TARBP2: variants seen among roughly 807,000 people sequenced by gnomAD.
TARBP2 encodes the protein RISC-loading complex subunit TARBP2.
A neutral mutation model predicts 40.4 loss-of-function variants in TARBP2; 23 were observed. The ratio of observed to expected loss-of-function variants is 0.57; its 90% CI spans 0.41 to 0.81. The LOEUF is 0.81. TARBP2 is among the 30% of genes least tolerant of loss of function. TARBP2 has a pLI of 0.00. For missense variants in TARBP2, 358 were observed against 473.7 expected, an observed-to-expected ratio of 0.76 and a Z score of 2.27; for synonymous variants, 183 against 190.5, an observed-to-expected ratio of 0.96 and a Z score of 0.32.
chr12:53,502,395 AC>A, intron 2 of TARBP2: 1 of 609,398 alleles, frequency 1.6e-6, no homozygotes, highest in South Asian at 2.0e-5. Flanking sequence ...CAGGACTCCC[AC>A]AGTGATCTGG....
intron 2 of TARBP2, chr12:53,502,632 A>T (rs926962823): frequency 1.0e-5 from 2 of 198,124 alleles, no homozygotes; most frequent in Non-Finnish European, 2.0e-5. Context: ...TGAGTGTTTG[A>T]GATAGTAAAT....
rs373326462 is a variant in TARBP2, at chr12:53,504,535, C to T, written c.495+66C>T. The T allele has an allele frequency of 1.9e-4, 300 of 1,603,026 alleles. 1 individual carries two copies. The African/African-American group carries it at 3.1e-3, about 16-fold the overall frequency. ...TTGAGCCAGGGGCCATGAGGGAAGG[C>T]TATGTGTGTTTGGGGGTGGGGGCGG... On this transcript the variant is annotated intron_variant, in intron 5 of 8. Coordinates refer to ENST00000266987, the MANE Select transcript of TARBP2 (RefSeq NM_134323.2).
chr12:53,501,390 C>G lies in TARBP2; in HGVS notation c.-19C>G, dbSNP rs747332122. On this transcript the variant is annotated 5_prime_UTR_variant, in exon 1 of 9. Coordinates refer to ENST00000266987, the MANE Select transcript of TARBP2 (RefSeq NM_134323.2). The stretch of plus-strand genomic sequence containing the variant: ...TGGAGGCTGCAGTCACGGTGGCGCC[C>G]GCGGGGACGGAGGAGGGAATGAGTG... 1 of 1,558,056 alleles carries G rather than the reference C, an allele frequency of 6.4e-7. No individual in the cohort carries two copies. Among genetic ancestry groups the G allele is most frequent in the South Asian group, 1.2e-5 (1 of 84,552 alleles).
intron 4 of TARBP2, 68 bp downstream of exon 4, chr12:53,503,876 T>A: frequency 8.2e-7 from 1 of 1,212,584 alleles, no homozygotes; most frequent in Non-Finnish European, 1.2e-6. Flanking sequence ...CCCTCAGTCC[T>A]TGGACCCAAG....
rs1327555179 is a variant in TARBP2, at chr12:53,505,644, G to C, written c.742-5G>C. 1 of 1,613,810 alleles carries C rather than the reference G, an allele frequency of 6.2e-7. No homozygotes were observed. The highest frequency in any genetic ancestry group is 8.5e-7 in the Non-Finnish European group (1 of 1,179,856). ...TCATCTTTCTCACTGTTCCCATCTTGACAGGGTGTGGGCTCCCGCCTGGAT... is the reference window on the plus strand; with the variant it reads ...TCATCTTTCTCACTGTTCCCATCTTCACAGGGTGTGGGCTCCCGCCTGGAT... On this transcript the variant is annotated splice_region_variant and splice_polypyrimidine_tract_variant and intron_variant, in intron 7 of 8. Coordinates refer to ENST00000266987, the MANE Select transcript of TARBP2 (RefSeq NM_134323.2). This position sits in a 1 kb window ranked among gnomAD's most constrained non-coding sequence, Gnocchi z 4.5.
At chr12:53,504,550 G>A in intron 5 of TARBP2, 81 bp downstream of exon 5, 3 of 1,601,850 alleles carry the variant, frequency 1.9e-6, no homozygotes, top group Admixed American at 3.4e-5. Context: ...TGTGTTTGGG[G>A]GTGGGGGCGG....
At chr12:53,504,366 C>T (rs754924951) in intron 4 of TARBP2, 31 bp from the exon 5 acceptor site, 6 of 1,531,970 alleles carry the variant, frequency 3.9e-6, no homozygotes, top group Non-Finnish European at 5.2e-6. Flanking sequence ...AACCCTTCAC[C>T]TCAACTTTGG....
chr12:53,503,919 A>G (rs1943839343), intron 4 of TARBP2, 111 bp downstream of exon 4: 1 of 800,530 alleles, frequency 1.2e-6, no homozygotes, highest in South Asian at 1.4e-5. Flanking sequence ...GAGAATAAAC[A>G]GAATGGAATA....
chr12:53,503,626 T>G, intron 3 of TARBP2, 87 bp from the exon 4 acceptor site: 1 of 923,858 alleles, frequency 1.1e-6, no homozygotes, highest in Non-Finnish European at 1.8e-6. Flanking sequence ...TCTTAGGGGA[T>G]TGGGAGGTCA....
Position 53,505,992 on chromosome 12 carries a change from G to T in TARBP2, c.945G>T (p.Glu315Asp). ...TCCCTCCTCTCTCTTGCTCTCCAGA[G>T]GAGCTGAGCCTGAGTGGACTCTGCC... Reference protein sequence around the residue: ...QAFHVSYLDIEELSLSGLCQC... With the variant: ...QAFHVSYLDIDELSLSGLCQC... Residue 315 changes from glutamate to aspartate, a missense_variant and splice_region_variant, in exon 9 of 9, where the codon GAG becomes GAT. Transcript: ENST00000266987. The surrounding 1 kb of genome is among the most constrained non-coding windows in gnomAD (Gnocchi z 4.5). The T allele has an allele frequency of 6.2e-7, 1 of 1,613,780 alleles. No individual in the cohort carries two copies. The highest frequency in any genetic ancestry group is 8.5e-7 in the Non-Finnish European group (1 of 1,179,784).
At position 53,505,610 on chromosome 12, in the gene TARBP2, T is replaced by C; in HGVS notation, c.742-39T>C. The C allele has an allele frequency of 6.3e-7, 1 of 1,583,460 alleles. No homozygotes were observed. Among genetic ancestry groups the C allele is most frequent in the East Asian group, 2.2e-5 (1 of 44,626 alleles). ...ATGTCTCAATGCCTGGGTCCCACAGTCTCTCGCTTCATCTTTCTCACTGTT... is the reference window on the plus strand; with the variant it reads ...ATGTCTCAATGCCTGGGTCCCACAGCCTCTCGCTTCATCTTTCTCACTGTT... On this transcript the variant is annotated intron_variant, in intron 7 of 8. Transcript: ENST00000266987. The surrounding 1 kb of genome is among the most constrained non-coding windows in gnomAD (Gnocchi z 4.5).
intron 2 of TARBP2, 60 bp downstream of exon 2, chr12:53,502,244 T>C (rs1943746205): frequency 2.5e-6 from 4 of 1,585,652 alleles, no homozygotes; most frequent in Non-Finnish European, 3.4e-6. Context: ...ATGGCTTTGT[T>C]TCTTGGAGTC....
At position 53,506,090 on chromosome 12, in the gene TARBP2, G is replaced by T; in HGVS notation, c.1043G>T (p.Arg348Leu). The T allele has an allele frequency of 6.2e-7, 1 of 1,613,944 alleles. No individual in the cohort carries two copies. Among genetic ancestry groups the T allele is most frequent in the Non-Finnish European group, 8.5e-7 (1 of 1,179,998 alleles). ...HGSATTREAARGEAARRALQY... is the reference protein window; with the variant it reads ...HGSATTREAALGEAARRALQY... ...TCTGCAACCACCAGGGAGGCAGCCC[G>T]TGGTGAGGCTGCCCGCCGTGCCCTG... Residue 348 changes from arginine to leucine, a missense_variant, in exon 9 of 9, where the codon CGT becomes CTT. By Grantham distance (102) the Arg-to-Leu change is moderately radical. Around this residue, in one of 3 missense-constraint regions of TARBP2, gnomAD observed 317 missense variants for 422.9 expected, o/e 0.75. Coordinates refer to ENST00000266987, the MANE Select transcript of TARBP2 (RefSeq NM_134323.2).
chr12:53,505,545 G>A lies in TARBP2; in HGVS notation c.742-104G>A. The A allele has an allele frequency of 7.8e-7, 1 of 1,276,712 alleles. No individual in the cohort carries two copies. Among genetic ancestry groups the A allele is most frequent in the South Asian group, 1.3e-5 (1 of 75,610 alleles). The allele number at this position is 1,276,712 out of a possible 1,614,324, so 79.1% of individuals were successfully genotyped here. A position where few individuals can be genotyped will look rare whatever the true frequency, so the allele number is the denominator to read the frequency against. ...GGATTGACTGGGGGGAGGCAAGCTG[G>A]AGGAAGCATTCTTTGTGCTTTGTTC... On this transcript the variant is annotated intron_variant, in intron 7 of 8. Coordinates refer to ENST00000266987, the MANE Select transcript of TARBP2 (RefSeq NM_134323.2). The surrounding 1 kb of genome is among the most constrained non-coding windows in gnomAD (Gnocchi z 4.5).
Position 53,504,381 on chromosome 12 carries a change from G to C in TARBP2, c.423-16G>C. Reference sequence around the variant, plus strand: ...AACCCTTCACCTCAACTTTGGCCCTGTGCCTTTTCCTTCAGGAGCCCCCCC... The same window carrying C: ...AACCCTTCACCTCAACTTTGGCCCTCTGCCTTTTCCTTCAGGAGCCCCCCC... On this transcript the variant is annotated splice_polypyrimidine_tract_variant and intron_variant, in intron 4 of 8. Transcript: ENST00000266987. 6.5e-7 allele frequency: 1 copy of C among 1,550,384 alleles called. No individual in the cohort carries two copies. The highest frequency in any genetic ancestry group is 1.4e-5 in the African/African-American group (1 of 72,424).
chr12:53,503,770 A>T lies in TARBP2; in HGVS notation c.384A>T (p.Ala128=). 7 of 1,614,116 alleles carry T rather than the reference A, an allele frequency of 4.3e-6. No individual in the cohort carries two copies. The highest frequency in any genetic ancestry group is 5.1e-6 in the Non-Finnish European group (6 of 1,180,010). Reference sequence around the variant, plus strand: ...AGGACATTCCGGTTTTTACTGCTGCAGCAGCTGCTACCCCAGTTCCATCTG... The same window carrying T: ...AGGACATTCCGGTTTTTACTGCTGCTGCAGCTGCTACCCCAGTTCCATCTG... The part of the protein sequence containing the change: ...LPEDIPVFTA[A]AAATPVPSVV... The change falls in exon 4 of 9, where the codon GCA becomes GCT. Residue 128 remains alanine, a synonymous_variant. Coordinates refer to ENST00000266987, the MANE Select transcript of TARBP2 (RefSeq NM_134323.2).
rs755056741 is a variant in TARBP2 at position 53,505,757 on chromosome 12, C to T, written c.850C>T (p.Leu284=). 3 of 1,614,010 alleles carry T rather than the reference C, an allele frequency of 1.9e-6. No homozygotes were observed. Among genetic ancestry groups the T allele is most frequent in the Non-Finnish European group, 1.7e-6 (2 of 1,179,930 alleles). ...EKILSLRSCS[L]GSLGALGPAC... The stretch of plus-strand genomic sequence containing the variant: ...GATCCTGTCCCTCCGCAGTTGCTCC[C>T]TGGGCTCCCTGGGTGCCCTGGGCCC... Residue 284 remains leucine, a synonymous_variant, in exon 8 of 9, where the codon CTG becomes TTG. Transcript: ENST00000266987. The surrounding 1 kb of genome is among the most constrained non-coding windows in gnomAD (Gnocchi z 4.5).
chr12:53,504,503 T>A, intron 5 of TARBP2, 34 bp downstream of exon 5: 1 of 1,608,372 alleles, frequency 6.2e-7, no homozygotes. Context: ...TGCATGCCTG[T>A]CTTCCCTTGA....
chr12:53,504,559 G>A (rs577133775), intron 5 of TARBP2, 90 bp downstream of exon 5: 167 of 1,602,754 alleles, frequency 1.0e-4, no homozygotes, highest in Non-Finnish European at 1.3e-4. Flanking sequence ...GGGTGGGGGC[G>A]GTTCCTTGTA....
Sources: gnomAD v4.1 joint callset for allele counts on GRCh38, gnomAD v4.1.1 for gene constraint, gnomAD v4.1.1 regional missense constraint, Gnocchi (gnomAD v3.1) non-coding constraint, MANE v1.5 for transcripts, NCBI Gene and HGNC (gene_info 2026-07-23, HGNC 2026-07-21) for gene names.